HDLBP: variants seen among roughly 807,000 people sequenced by gnomAD.
HDLBP encodes high density lipoprotein binding protein.
A neutral mutation model predicts 137.3 loss-of-function variants in HDLBP; 30 were observed. The observed-to-expected ratio is 0.22, with a 90% confidence interval of 0.16 to 0.30. The LOEUF (loss-of-function observed/expected upper bound fraction) is 0.30. Among genes scored for constraint, HDLBP ranks in the 10% least tolerant of loss-of-function variants. The pLI is 1.00. For missense variants in HDLBP, 1,119 were observed against 1,667.3 expected (o/e 0.67, Z 5.73); for synonymous variants, 606 against 596.0 (o/e 1.02, Z -0.24).
chr2:241,235,005 C>T, intron 23 of HDLBP, 116 bp downstream of exon 23: 1 of 1,303,890 alleles, frequency 7.7e-7, no homozygotes, highest in Non-Finnish European at 1.1e-6. Flanking sequence ...CTGCATCTCA[C>T]CTCCAGCCAG....
chr2:241,310,326 G>A (rs904702592), intron 1 of HDLBP, among the ~76,000 whole-genome samples: 9 of 152,222 alleles, frequency 5.9e-5, no homozygotes, highest in African/African-American at 2.2e-4. Context: ...TAGACAGGAG[G>A]AATGTGGTTT....
chr2:241,241,613 C>CA (rs2071244485), intron 17 of HDLBP, among the ~76,000 whole-genome samples: 1 of 96,322 alleles, frequency 1.0e-5, no homozygotes, highest in Non-Finnish European at 2.0e-5. Context: ...ATCCACAAAA[C>CA]AGTGACTGGC....
In HDLBP at chr2:241,272,866, G is replaced by A. The variant is rs1368250204; in HGVS notation, c.-102-4325C>T. 2 of 339,956 alleles carry A rather than the reference G, an allele frequency of 5.9e-6. No homozygotes were observed. Among genetic ancestry groups the A allele is most frequent in the South Asian group, 1.1e-4 (1 of 8,696 alleles). The allele number at this position is 339,956 out of a possible 1,614,324, so 21.1% of individuals were successfully genotyped here. On this transcript the variant is annotated intron_variant, in intron 1 of 27. Transcript: ENST00000310931. This position sits in a 1 kb window ranked among gnomAD's most constrained non-coding sequence, Gnocchi z 5.6. ...CGCCCGGGCCCCGGCTGCTATATAG[G>A]GCGGCGGCCCAATCCCGCCTGGACA...
chr2:241,244,652 G>A (rs572990715), intron 16 of HDLBP, among the ~76,000 whole-genome samples: 4 of 152,288 alleles, frequency 2.6e-5, no homozygotes, highest in African/African-American at 7.2e-5. Flanking sequence ...AGTCATTACC[G>A]GATACACACT....
chr2:241,255,914 C>T (rs1038469212), intron 7 of HDLBP, among the ~76,000 whole-genome samples: 3 of 152,194 alleles, frequency 2.0e-5, no homozygotes, highest in Non-Finnish European at 4.4e-5. Flanking sequence ...TGAACAAGTC[C>T]GGGATGTGCA....
intron 2 of HDLBP, 185 bp downstream of exon 2, chr2:241,268,292 C>A: frequency 5.7e-6 from 1 of 176,492 alleles, no homozygotes; most frequent in Non-Finnish European, 1.1e-5. Context: ...CTAAGGGACA[C>A]ACGTCTATAG....
chr2:241,237,989 G>A (rs2070765739), intron 20 of HDLBP, among the ~76,000 whole-genome samples: 1 of 152,224 alleles, frequency 6.6e-6, no homozygotes, highest in Admixed American at 6.5e-5. Context: ...CAGGCTGCAG[G>A]GCCACCTGCC....
chr2:241,263,194 G>T (rs765779083), intron 4 of HDLBP, among the ~76,000 whole-genome samples: 1 of 152,250 alleles, frequency 6.6e-6, no homozygotes, highest in Non-Finnish European at 1.5e-5. Context: ...ACAGGGGCAA[G>T]AGAGTTTGAG....
intron 7 of HDLBP, 118 bp downstream of exon 7, chr2:241,256,066 A>G: frequency 2.4e-6 from 2 of 825,024 alleles, no homozygotes; most frequent in Non-Finnish European, 2.0e-6. Flanking sequence ...AGAGACAATA[A>G]GCATCTTCAT....
chr2:241,299,008 G>C (rs1046112920), intron 1 of HDLBP, among the ~76,000 whole-genome samples: 1 of 152,188 alleles, frequency 6.6e-6, no homozygotes, highest in Non-Finnish European at 1.5e-5. Context: ...CATTCATGTT[G>C]ATTTCCTGAC....
At position 241,229,829 on chromosome 2, in the gene HDLBP, T is replaced by C; in HGVS notation, c.3720+4A>G. On this transcript the variant is annotated splice_donor_region_variant and intron_variant, in intron 27 of 27. Coordinates refer to ENST00000310931, the MANE Select transcript of HDLBP (RefSeq NM_005336.6). ...ACCCAGGAGGGCAGAAGCCCGCATC[T>C]GACCTTCTCACTGCTGCTGGCGGTC... is the stretch of plus-strand genomic sequence containing the variant. 1 of 1,290,614 alleles carries C rather than the reference T, an allele frequency of 7.7e-7. No homozygotes were observed. Among genetic ancestry groups the C allele is most frequent in the Non-Finnish European group, 1.0e-6 (1 of 970,082 alleles). 79.9% of individuals were successfully genotyped at this position (1,290,614 alleles called of 1,614,324 possible).
At chr2:241,292,769 CTCTTT>C (rs148341026) in intron 1 of HDLBP, among the ~76,000 whole-genome samples, 17,388 of 152,148 alleles carry the variant, frequency 0.11, 1,214 homozygotes, top group Admixed American at 0.16. Flanking sequence ...CTCTTCTATT[CTCTTT>C]TATTTTGTGG....
chr2:241,305,942 A>C (rs2075555265), intron 1 of HDLBP, among the ~76,000 whole-genome samples: 1 of 151,788 alleles, frequency 6.6e-6, no homozygotes, highest in South Asian at 2.1e-4. Context: ...TTGTATTTTT[A>C]GTAGAGACGG....
At chr2:241,234,725 A>G (rs1007864050) in intron 23 of HDLBP, among the ~76,000 whole-genome samples, 1 of 152,168 alleles carries the variant, frequency 6.6e-6, no homozygotes, top group Non-Finnish European at 1.5e-5. Context: ...CCTGCTTACC[A>G]GGAAGTCATT....
intron 4 of HDLBP, among the ~76,000 whole-genome samples, chr2:241,263,130 C>A (rs2073336174): frequency 1.3e-5 from 2 of 152,180 alleles, no homozygotes; most frequent in African/African-American, 2.4e-5. Context: ...AAGGAGAGAA[C>A]CACATCAGCT....
At chr2:241,300,897 T>C (rs993527223) in intron 1 of HDLBP, among the ~76,000 whole-genome samples, 1 of 151,998 alleles carries the variant, frequency 6.6e-6, no homozygotes, top group Non-Finnish European at 1.5e-5. Flanking sequence ...GAAGCCTTGT[T>C]TCAAAAGAAA....
rs1389741934 is a variant in HDLBP, at chr2:241,272,257, G to A, written c.-102-3716C>T. The stretch of plus-strand genomic sequence containing the variant: ...CAGACCCCCGCCCCGCCGCCACCTG[G>A]GGGGAAGGACCCCGCTGGCCTCCCA... On this transcript the variant is annotated intron_variant, in intron 1 of 27. Coordinates refer to ENST00000310931, the MANE Select transcript of HDLBP (RefSeq NM_005336.6). The surrounding 1 kb of genome is among the most constrained non-coding windows in gnomAD (Gnocchi z 5.6). 3 of 970,366 alleles carry A rather than the reference G, an allele frequency of 3.1e-6. No homozygotes were observed. The highest frequency in any genetic ancestry group is 6.2e-5 in the Admixed American group (1 of 16,204). The allele number at this position is 970,366 out of a possible 1,614,324, so 60.1% of individuals were successfully genotyped here. A position where few individuals can be genotyped will look rare whatever the true frequency, so the allele number is the denominator to read the frequency against.
chr2:241,272,651 C>A lies in HDLBP; in HGVS notation c.-102-4110G>T. 3.2e-6 allele frequency: 3 copies of A among 947,550 alleles called. No homozygotes were observed. Among genetic ancestry groups the A allele is most frequent in the Non-Finnish European group, 3.8e-6 (3 of 797,328 alleles). The allele number at this position is 947,550 out of a possible 1,614,324, so 58.7% of individuals were successfully genotyped here. Reference sequence around the variant, plus strand: ...GGGGGCCGCGGCACCCGGGCCCCTCCCCCTCCGCGGCCTCCACGTCAGCAG... The same window carrying A: ...GGGGGCCGCGGCACCCGGGCCCCTCACCCTCCGCGGCCTCCACGTCAGCAG... On this transcript the variant is annotated intron_variant, in intron 1 of 27. Coordinates refer to ENST00000310931, the MANE Select transcript of HDLBP (RefSeq NM_005336.6). The surrounding 1 kb of genome is among the most constrained non-coding windows in gnomAD (Gnocchi z 5.6).
chr2:241,260,996 G>C (rs955451889), intron 5 of HDLBP, among the ~76,000 whole-genome samples: 3 of 151,754 alleles, frequency 2.0e-5, no homozygotes, highest in Non-Finnish European at 4.4e-5. Flanking sequence ...TTTGAGACCA[G>C]AGTGGGCAAC....
Sources: allele counts gnomAD v4.1 joint callset (sites outside exome capture counted in the v4.1 genomes callset), GRCh38; gene constraint gnomAD v4.1.1; non-coding constraint Gnocchi (gnomAD v3.1); transcripts MANE v1.5; gene names NCBI Gene and HGNC (gene_info 2026-07-23, HGNC 2026-07-21).